The following C12orf42 variants were observed in gnomAD, a reference collection of about 807,000 sequenced individuals.
The protein encoded by C12orf42 is chromosome 12 open reading frame 42, also known as uncharacterized protein C12orf42.
In C12orf42, 25 loss-of-function variants were observed where a neutral mutation model predicts 21.6. The ratio of observed to expected loss-of-function variants is 1.16; its 90% CI spans 0.84 to 1.62. The LOEUF (loss-of-function observed/expected upper bound fraction) is 1.62. Ranked by LOEUF, C12orf42 falls within the 40% of genes most tolerant of loss-of-function variation. The probability of loss-of-function intolerance (pLI) is 0.00; values close to 1 mark genes in which losing one functional copy is unlikely to be tolerated. For missense variants in C12orf42, 483 were observed against 459.3 expected (o/e 1.05, Z -0.47); for synonymous variants, 174 against 175.0 (o/e 0.99, Z 0.05).
intron 4 of C12orf42, among the ~76,000 whole-genome samples, chr12:103,316,021 A>T (rs1451871252): frequency 6.6e-6 from 1 of 151,438 alleles, no homozygotes; most frequent in Non-Finnish European, 1.5e-5. Context: ...TTATGTATAT[A>T]TACACACACA....
chr12:103,493,548 G>A (rs1185723616), intron 1 of C12orf42, among the ~76,000 whole-genome samples: 2 of 151,896 alleles, frequency 1.3e-5, no homozygotes, highest in African/African-American at 2.4e-5. Context: ...GGTCCCAGCT[G>A]AAATGTGATT....
At chr12:103,146,579 A>T in the C12orf42 span, among the ~76,000 whole-genome samples, 236 of 83,368 alleles carry the variant, frequency 2.8e-3, 1 homozygote, top group Admixed American at 4.4e-3. Flanking sequence ...AAAGAAAGAA[A>T]GAAAGAAAGA....
At chr12:103,164,401 A>G in the C12orf42 span, 3 of 455,914 alleles carry the variant, frequency 6.6e-6, no homozygotes, top group African/African-American at 6.0e-5. Flanking sequence ...TCTTGGCAGC[A>G]GCTCCTTGAA....
chr12:103,305,778 C>T (rs527581069), intron 5 of C12orf42, among the ~76,000 whole-genome samples, 196 bp downstream of exon 5: 88 of 152,308 alleles, frequency 5.8e-4, no homozygotes, highest in Admixed American at 1.8e-3. Flanking sequence ...GTCATCAACT[C>T]ACACCTGTTC....
the C12orf42 span, chr12:103,504,855 C>T: frequency 6.3e-6 from 1 of 157,492 alleles, no homozygotes; most frequent in South Asian, 1.8e-4. Context: ...CCATGAAAAC[C>T]TCTGAGGGTA....
chr12:103,079,378 C>A, the C12orf42 span, among the ~76,000 whole-genome samples: 4 of 152,086 alleles, frequency 2.6e-5, no homozygotes, highest in Non-Finnish European at 5.9e-5. Context: ...GAAATAGGTT[C>A]TGAAAGTGTA....
At chr12:103,390,003 T>C (rs989278670) in intron 3 of C12orf42, among the ~76,000 whole-genome samples, 1 of 152,218 alleles carries the variant, frequency 6.6e-6, no homozygotes, top group Non-Finnish European at 1.5e-5. Context: ...TCTATTCTTG[T>C]AAGATCATTT....
chr12:103,089,928 A>G, the C12orf42 span, among the ~76,000 whole-genome samples: 1 of 152,186 alleles, frequency 6.6e-6, no homozygotes, highest in Non-Finnish European at 1.5e-5. Context: ...TTTGTCTGCA[A>G]TGGACACCGA....
intron 2 of C12orf42, among the ~76,000 whole-genome samples, chr12:103,410,218 G>C (rs1260985225): frequency 5.3e-5 from 8 of 152,130 alleles, no homozygotes; most frequent in Non-Finnish European, 1.2e-4. Flanking sequence ...CACTTCCAGG[G>C]AGACAATATT....
At chr12:103,312,742 G>A (rs2039089505) in intron 4 of C12orf42, among the ~76,000 whole-genome samples, 1 of 152,166 alleles carries the variant, frequency 6.6e-6, no homozygotes, top group Non-Finnish European at 1.5e-5. Flanking sequence ...TGCAGCACAG[G>A]ACTTCCATCT....
chr12:103,180,106 C>T, the C12orf42 span, among the ~76,000 whole-genome samples: 1 of 151,682 alleles, frequency 6.6e-6, no homozygotes, highest in Non-Finnish European at 1.5e-5. Context: ...TTAAACCATG[C>T]CTTCCCAATG....
chr12:103,419,336 G>T (rs558588974), intron 2 of C12orf42, among the ~76,000 whole-genome samples: 21 of 152,150 alleles, frequency 1.4e-4, no homozygotes, highest in Non-Finnish European at 2.6e-4. Context: ...GCCAAGATAC[G>T]TTTTATACTT....
chr12:103,170,814 G>T, the C12orf42 span, among the ~76,000 whole-genome samples: 2 of 152,174 alleles, frequency 1.3e-5, no homozygotes, highest in East Asian at 3.9e-4. Context: ...AAATTGGCTT[G>T]TTGTCTTAAA....
In C12orf42 at chr12:103,281,568, G is replaced by A. The variant is rs903610819; in HGVS notation, n.338-4358C>T. ...AGACGGGGTTTCACCATGTTAGCCA[G>A]GATGGTCTTGATCTCCTGACCTCGT... On this transcript the variant is annotated intron_variant and non_coding_transcript_variant, in intron 4 of 6. Coordinates refer to the C12orf42 transcript ENST00000546526. Among the ~76,000 whole-genome samples the A allele has an allele frequency of 4.6e-5, 7 of 152,114 alleles. No homozygotes were observed. In the East Asian group the frequency reaches 7.7e-4, roughly 17 times the overall value.
At chr12:103,259,241 A>G (rs1039789228) in intron 10 of C12orf42, among the ~76,000 whole-genome samples, 1 of 152,218 alleles carries the variant, frequency 6.6e-6, no homozygotes, top group Non-Finnish European at 1.5e-5. Context: ...AAATTGGATT[A>G]TAACAAGAAC....
At chr12:103,208,921 T>A in the C12orf42 span, among the ~76,000 whole-genome samples, 1 of 152,202 alleles carries the variant, frequency 6.6e-6, no homozygotes, top group Non-Finnish European at 1.5e-5. Context: ...TTTCTTCCTT[T>A]TTCTAATCTC....
At chr12:103,129,174 C>T in the C12orf42 span, among the ~76,000 whole-genome samples, 85,646 of 152,012 alleles carry the variant, frequency 0.56, 25,149 homozygotes, top group East Asian at 0.82. Context: ...AAAAACTGAA[C>T]TGTGGACTAG....
intron 2 of C12orf42, among the ~76,000 whole-genome samples, chr12:103,434,755 C>A (rs563132601): frequency 2.6e-5 from 4 of 152,222 alleles, no homozygotes; most frequent in Admixed American, 2.0e-4. Context: ...GTCCTACGCC[C>A]ACGGACTCTT....
chr12:103,068,050 C>CA, the C12orf42 span, among the ~76,000 whole-genome samples: 5 of 151,852 alleles, frequency 3.3e-5, no homozygotes, highest in Admixed American at 3.3e-4. Context: ...ACTCCACCAG[C>CA]AAAAAAAGCA....
Sources: gnomAD v4.1 joint callset for allele counts (sites outside exome capture counted in the v4.1 genomes callset) on GRCh38, gnomAD v4.1.1 for gene constraint, MANE v1.5 for transcripts, NCBI Gene and HGNC (gene_info 2026-07-23, HGNC 2026-07-21) for gene names.